The following GRIP1 variants were observed in gnomAD, a reference collection of about 807,000 sequenced individuals.
GRIP1 encodes glutamate receptor interacting protein 1, also known as glutamate receptor-interacting protein 1.
GRIP1 carries 45 observed loss-of-function variants against 129.9 expected under a neutral mutation model. The ratio of observed to expected loss-of-function variants is 0.35; its 90% CI spans 0.27 to 0.44. GRIP1 has a LOEUF of 0.44. Among genes scored for constraint, GRIP1 ranks in the 20% least tolerant of loss-of-function variants. GRIP1 has a pLI of 1.00. For synonymous variants in GRIP1, 530 were observed against 520.8 expected (o/e 1.02, Z -0.24); for missense variants, 1,196 against 1,396.8 (o/e 0.86, Z 2.29).
chr12:66,483,879 A>T (rs1422190862), intron 7 of GRIP1, among the ~76,000 whole-genome samples: 29 of 141,234 alleles, frequency 2.1e-4, no homozygotes, highest in Admixed American at 1.9e-3. Context: ...TTTTTTTTTG[A>T]GACGGAGTCT....
rs576042037 is a variant in GRIP1 at position 66,938,147 on chromosome 12, G to A, written c.58+130903C>T. On this transcript the variant is annotated intron_variant, in intron 1 of 1. Coordinates refer to the GRIP1 transcript ENST00000643019. ...AATCCCAGCACTTTGGGAGGCCAAG[G>A]CAGGCGGATTGCAAGGTCAAGAGAT... Among the ~76,000 whole-genome samples the A allele has an allele frequency of 2.0e-5, 3 of 152,226 alleles. No homozygotes were observed. The East Asian group carries it at 5.8e-4, about 29-fold the overall frequency.
intron 1 of GRIP1, among the ~76,000 whole-genome samples, chr12:66,889,706 A>G (rs1306673367): frequency 1.3e-5 from 2 of 152,212 alleles, no homozygotes; most frequent in South Asian, 2.1e-4. Flanking sequence ...TTCTATTTGC[A>G]TAATTTTAAG....
intron 1 of GRIP1, among the ~76,000 whole-genome samples, chr12:66,845,231 TGGACCACTTGA>T (rs199693260): frequency 0.018 from 2,749 of 152,158 alleles, 81 homozygotes; most frequent in African/African-American, 0.061. Flanking sequence ...TCAAGGCGGG[TGGACCACTTGA>T]GGTCAGGAGT....
At chr12:67,015,324 T>C (rs1193212874) in intron 1 of GRIP1, among the ~76,000 whole-genome samples, 1 of 152,190 alleles carries the variant, frequency 6.6e-6, no homozygotes, top group Non-Finnish European at 1.5e-5. Flanking sequence ...TAGGGGGCTC[T>C]TTCACGCTAA....
chr12:66,377,045 C>G lies in GRIP1; in HGVS notation c.2750G>C (p.Arg917Pro). ...GAGAGTCATGTTTCTCAAAGACACACGCCTGTCAGCTTTCTCCTGTGGAAA... is the reference window on the plus strand; with the variant it reads ...GAGAGTCATGTTTCTCAAAGACACAGGCCTGTCAGCTTTCTCCTGTGGAAA... ...LRELEEKADR[R>P]VSLRNMTLLA... Residue 917 changes from arginine (R) to proline (P), a missense_variant, in exon 22 of 25, where the codon CGT becomes CCT. Physicochemically the swap from Arg to Pro is moderately radical, Grantham distance 103 (BLOSUM62 -2). Around this residue, in one of 5 missense-constraint regions of GRIP1, gnomAD observed 427 missense variants for 463.3 expected, o/e 0.92. Coordinates refer to ENST00000359742, the MANE Select transcript of GRIP1 (RefSeq NM_001366722.1). 1.2e-6 allele frequency: 2 copies of G among 1,612,324 alleles called. No homozygotes were observed. Among genetic ancestry groups the G allele is most frequent in the Non-Finnish European group, 1.7e-6 (2 of 1,178,380 alleles).
At chr12:67,014,662 C>T (rs964766498) in intron 1 of GRIP1, among the ~76,000 whole-genome samples, 2 of 152,074 alleles carry the variant, frequency 1.3e-5, no homozygotes, top group African/African-American at 4.8e-5. Flanking sequence ...TTCCATAACC[C>T]CCTGCAGAGA....
chr12:67,060,801 G>A (rs1665100440), intron 1 of GRIP1, among the ~76,000 whole-genome samples: 1 of 144,296 alleles, frequency 6.9e-6, no homozygotes, highest in Admixed American at 7.0e-5. Flanking sequence ...TCCAGCCTGG[G>A]CAACAAGAAC....
chr12:66,563,575 C>T (rs73323150), intron 2 of GRIP1: 1 of 164,324 alleles, frequency 6.1e-6, no homozygotes. Context: ...AAAAGACAAA[C>T]AGAAGAAACC....
intron 11 of GRIP1, among the ~76,000 whole-genome samples, chr12:66,451,647 T>G (rs1452099399): frequency 1.3e-5 from 2 of 152,006 alleles, no homozygotes; most frequent in African/African-American, 4.8e-5. Context: ...TGGGCTCAAG[T>G]GATCCACCCG....
chr12:67,044,334 T>G (rs1320500097), intron 1 of GRIP1, among the ~76,000 whole-genome samples: 4 of 152,212 alleles, frequency 2.6e-5, no homozygotes, highest in Admixed American at 6.5e-5. Flanking sequence ...AACTAGGATT[T>G]GTAGATACTA....
At chr12:66,777,207 C>T (rs2136761494) in intron 1 of GRIP1, among the ~76,000 whole-genome samples, 1 of 152,196 alleles carries the variant, frequency 6.6e-6, no homozygotes, top group Admixed American at 6.5e-5. Context: ...TGCTGCACTC[C>T]CCACCCTGAC....
At chr12:66,572,889 T>G (rs1313865269) in intron 2 of GRIP1, among the ~76,000 whole-genome samples, 1 of 152,134 alleles carries the variant, frequency 6.6e-6, no homozygotes, top group Non-Finnish European at 1.5e-5. Context: ...TGATCTCATA[T>G]GTTTTCTATA....
intron 1 of GRIP1, among the ~76,000 whole-genome samples, chr12:66,632,960 G>A (rs1592677314): frequency 6.6e-6 from 1 of 152,200 alleles, no homozygotes; most frequent in South Asian, 2.1e-4. Context: ...TTAAGGCCCA[G>A]TGAGGGCAGA....
Position 66,463,006 on chromosome 12 carries a change from G to A in GRIP1, c.960C>T (p.Phe320=), listed in dbSNP as rs1259641266. Residue 320 remains phenylalanine (F), a synonymous_variant, in exon 9 of 25, where the codon TTC becomes TTT. Transcript: ENST00000359742. ...TGACCTGGTCAGTGGTGTTGGCCAG[G>A]AACTGGGTTGCTTCTGCAAGTGTAC... ...EYCTLAEATQ[F]LANTTDQVKL... is the part of the protein sequence containing the mutation. 6.2e-7 allele frequency: 1 copy of A among 1,613,838 alleles called. No individual in the cohort carries two copies. Among genetic ancestry groups the A allele is most frequent in the Non-Finnish European group, 8.5e-7 (1 of 1,179,942 alleles).
chr12:66,696,796 C>T (rs112827723), intron 1 of GRIP1, among the ~76,000 whole-genome samples: 45 of 118,340 alleles, frequency 3.8e-4, no homozygotes, highest in African/African-American at 1.6e-3. Context: ...CAGAGCAAGA[C>T]TCTGTCTCAA....
chr12:66,790,056 G>A (rs913333869), intron 1 of GRIP1, among the ~76,000 whole-genome samples: 1 of 152,032 alleles, frequency 6.6e-6, no homozygotes, highest in Non-Finnish European at 1.5e-5. Flanking sequence ...TGAGGTCACT[G>A]AAAAACACTT....
chr12:67,027,854 T>C (rs2042962905), intron 1 of GRIP1, among the ~76,000 whole-genome samples: 1 of 152,058 alleles, frequency 6.6e-6, no homozygotes, highest in African/African-American at 2.4e-5. Flanking sequence ...AAAAAAACAG[T>C]TGAAACCTCT....
intron 1 of GRIP1, among the ~76,000 whole-genome samples, chr12:66,812,119 C>T (rs974084556): frequency 3.3e-5 from 5 of 152,086 alleles, no homozygotes; most frequent in Admixed American, 3.3e-4. Context: ...TCTGCCTCTC[C>T]TTTTTACTTT....
chr12:66,529,107 C>T (rs2061360748), intron 5 of GRIP1, among the ~76,000 whole-genome samples: 1 of 152,066 alleles, frequency 6.6e-6, no homozygotes, highest in Admixed American at 6.5e-5. Flanking sequence ...CACCTTATTC[C>T]TGCAAGAGTG....
Sources: allele counts gnomAD v4.1 joint callset (sites outside exome capture counted in the v4.1 genomes callset), GRCh38; gene constraint gnomAD v4.1.1; regional missense constraint gnomAD v4.1.1; transcripts MANE v1.5; gene names NCBI Gene and HGNC (gene_info 2026-07-23, HGNC 2026-07-21).